Variants in TPST1 observed in about 807,000 individuals in gnomAD.
TPST1 encodes protein-tyrosine sulfotransferase 1.
TPST1 carries 20 observed loss-of-function variants against 34.8 expected under a neutral mutation model. The observed-to-expected ratio is 0.57, with a 90% CI of 0.40 to 0.84. TPST1 has a LOEUF of 0.84. Ranked by LOEUF, TPST1 falls within the 40% of genes least tolerant of loss-of-function variation. The pLI, the probability that TPST1 is intolerant of heterozygous loss-of-function variation, is 0.00. For missense variants in TPST1, 353 were observed against 455.5 expected (o/e 0.78, Z 2.05); for synonymous variants, 152 against 159.4 (o/e 0.95, Z 0.35).
At chr7:66,271,195 G>A (rs4587224) in intron 2 of TPST1, among the ~76,000 whole-genome samples, 98,087 of 151,814 alleles carry the variant, frequency 0.65, 32,041 homozygotes, top group African/African-American at 0.74. Context: ...TCTACACATT[G>A]CCTCCTGAGT....
chr7:66,256,052 T>A (rs1184569777), intron 2 of TPST1, among the ~76,000 whole-genome samples: 1 of 152,248 alleles, frequency 6.6e-6, no homozygotes. Context: ...AAGACTGTGC[T>A]TATACCAACT....
chr7:66,222,148 C>T (rs1420149712), intron 1 of TPST1, among the ~76,000 whole-genome samples: 1 of 152,140 alleles, frequency 6.6e-6, no homozygotes, highest in African/African-American at 2.4e-5. Flanking sequence ...CTTTGGGAGG[C>T]CGAGGCAGGT....
intron 3 of TPST1, among the ~76,000 whole-genome samples, chr7:66,348,552 AG>A (rs898612242): frequency 2.0e-5 from 3 of 152,092 alleles, no homozygotes; most frequent in African/African-American, 7.2e-5. Context: ...TCAGTGCTTG[AG>A]GTGGGAGGGT....
chr7:66,225,477 C>T (rs781248846), intron 1 of TPST1, among the ~76,000 whole-genome samples: 5 of 151,724 alleles, frequency 3.3e-5, no homozygotes, highest in African/African-American at 1.2e-4. Context: ...CTGGGCGTGG[C>T]GGCACATGCC....
intron 2 of TPST1, among the ~76,000 whole-genome samples, chr7:66,242,514 G>GACAT (rs1287604096): frequency 6.6e-6 from 1 of 152,080 alleles, no homozygotes; most frequent in Non-Finnish European, 1.5e-5. Context: ...TATAAGTTAT[G>GACAT]ACATACCATC....
rs558429122 is a variant in TPST1, at chr7:66,354,938, A to T, written c.1096-1887A>T. ...AGCCCCAGAGGTTGAAGCTGCAATG[A>T]GCCGAGATCACACCACTGCACTGCA... On this transcript the variant is annotated intron_variant, in intron 4 of 5. Coordinates refer to ENST00000304842, the MANE Select transcript of TPST1 (RefSeq NM_003596.4). 4.0e-5 allele frequency among the ~76,000 whole-genome samples: 6 copies of T among 151,898 alleles called. No individual in the cohort carries two copies. In the East Asian group the frequency reaches 9.7e-4, roughly 25 times the overall value.
chr7:66,247,096 T>C (rs1386188135), intron 2 of TPST1, among the ~76,000 whole-genome samples: 1 of 152,206 alleles, frequency 6.6e-6, no homozygotes, highest in East Asian at 1.9e-4. Flanking sequence ...TTAAGAACTA[T>C]GGTCACCACT....
intron 2 of TPST1, among the ~76,000 whole-genome samples, chr7:66,282,518 G>A (rs182952384): frequency 6.0e-4 from 92 of 152,304 alleles, no homozygotes; most frequent in African/African-American, 2.1e-3. Flanking sequence ...CTGTGTCTCC[G>A]TCTGTTAGTG....
At chr7:66,356,747 C>T (rs1792590174) in intron 4 of TPST1, 78 bp from the exon 5 acceptor site, 1 of 1,565,662 alleles carries the variant, frequency 6.4e-7, no homozygotes, top group Non-Finnish European at 8.8e-7. Context: ...GGCCACCCCT[C>T]ATGTTTCAGT....
intron 3 of TPST1, among the ~76,000 whole-genome samples, chr7:66,314,599 T>C (rs910864916): frequency 1.3e-5 from 2 of 152,170 alleles, no homozygotes; most frequent in Non-Finnish European, 2.9e-5. Context: ...TGCTTAACGA[T>C]GGGAATACAT....
At chr7:66,235,415 T>A (rs1469468822) in intron 1 of TPST1, among the ~76,000 whole-genome samples, 1 of 152,202 alleles carries the variant, frequency 6.6e-6, no homozygotes, top group Non-Finnish European at 1.5e-5. Context: ...TGATTCTTTG[T>A]TGAAGCTTTA....
chr7:66,234,875 A>G (rs565671628), intron 1 of TPST1, among the ~76,000 whole-genome samples: 12 of 152,032 alleles, frequency 7.9e-5, no homozygotes. Context: ...ATGGGGTTTC[A>G]CCGTAGCAAG....
chr7:66,202,630 C>A (rs1359399467), upstream of TPST1, among the ~76,000 whole-genome samples: 1 of 152,088 alleles, frequency 6.6e-6, no homozygotes, highest in Non-Finnish European at 1.5e-5. Context: ...ATTACTGAGG[C>A]CATGGTGAGT....
At chr7:66,337,717 G>A (rs1051861930) in intron 3 of TPST1, among the ~76,000 whole-genome samples, 1 of 152,112 alleles carries the variant, frequency 6.6e-6, no homozygotes, top group Non-Finnish European at 1.5e-5. Context: ...TGGCAATGGC[G>A]GTGTTAAAGT....
At chr7:66,227,428 T>A (rs546609617) in intron 1 of TPST1, among the ~76,000 whole-genome samples, 24 of 152,144 alleles carry the variant, frequency 1.6e-4, no homozygotes, top group East Asian at 3.9e-4. Context: ...TTAATTAATT[T>A]AGTTAGTTTT....
At chr7:66,347,685 T>TAA (rs1387078308) in intron 3 of TPST1, among the ~76,000 whole-genome samples, 10 of 152,350 alleles carry the variant, frequency 6.6e-5, no homozygotes, top group South Asian at 6.2e-4. Flanking sequence ...CAGGTAAACT[T>TAA]TAGAATTGTT....
At chr7:66,207,372 T>C in intron 1 of TPST1, among the ~76,000 whole-genome samples, 1 of 152,254 alleles carries the variant, frequency 6.6e-6, no homozygotes, top group East Asian at 1.9e-4. Flanking sequence ...GAGGTCATTT[T>C]TGTCTGTGCC....
In TPST1 at chr7:66,295,956, G is replaced by A. The variant is rs531922639; in HGVS notation, c.1044+9247G>A. ...AAAGTTTTATATGTATTAAAGTTTT[G>A]TGAGCTCTTTGTAATTGGTAATTCA... On this transcript the variant is annotated intron_variant, in intron 3 of 5. Coordinates refer to ENST00000304842, the MANE Select transcript of TPST1 (RefSeq NM_003596.4). 5.9e-5 allele frequency among the ~76,000 whole-genome samples: 9 copies of A among 152,234 alleles called. No individual in the cohort carries two copies. In the South Asian group the frequency reaches 1.9e-3, roughly 32 times the overall value.
chr7:66,279,363 C>T (rs1367531313), intron 2 of TPST1, among the ~76,000 whole-genome samples: 1 of 152,084 alleles, frequency 6.6e-6, no homozygotes, highest in Non-Finnish European at 1.5e-5. Context: ...CATGTCTTAG[C>T]TATTGTGAAC....
Sources: gnomAD v4.1 joint callset for allele counts (sites outside exome capture counted in the v4.1 genomes callset) on GRCh38, gnomAD v4.1.1 for gene constraint, MANE v1.5 for transcripts, NCBI Gene and HGNC (gene_info 2026-07-23, HGNC 2026-07-21) for gene names.